Variants in CACNA1H observed in about 807,000 individuals in gnomAD.
The protein encoded by CACNA1H is voltage-dependent T-type calcium channel subunit alpha-1H.
A neutral mutation model predicts 192.5 loss-of-function variants in CACNA1H; 149 were observed. That is an observed-to-expected ratio of 0.77 (90% CI 0.68 to 0.89). CACNA1H has a LOEUF of 0.89. CACNA1H is among the 40% of genes least tolerant of loss of function. The pLI is 0.00. For synonymous variants in CACNA1H, 2,202 were observed against 1,475.2 expected (o/e 1.49, Z -11.29); for missense variants, 4,257 against 3,423.5 (o/e 1.24, Z -6.08).
chr16:1,201,503 G>T (rs1331783198), intron 8 of CACNA1H, among the ~76,000 whole-genome samples, 160 bp from the exon 9 acceptor site: 1 of 152,166 alleles, frequency 6.6e-6, no homozygotes, highest in Non-Finnish European at 1.5e-5. Context: ...AGACGTGGGG[G>T]CTCAGCACTG....
chr16:1,182,139 G>C (rs998873642), intron 2 of CACNA1H, among the ~76,000 whole-genome samples: 1 of 152,208 alleles, frequency 6.6e-6, no homozygotes, highest in Non-Finnish European at 1.5e-5. Flanking sequence ...AGCAGGGTCC[G>C]TGCCTGAGAC....
intron 2 of CACNA1H, among the ~76,000 whole-genome samples, chr16:1,173,555 A>C (rs1182390292): frequency 6.6e-6 from 1 of 152,246 alleles, no homozygotes; most frequent in Admixed American, 6.5e-5. Flanking sequence ...GTGTTAACAT[A>C]ACACGTCCTT....
At chr16:1,197,340 A>T (rs1178572445) in intron 5 of CACNA1H, among the ~76,000 whole-genome samples, 3 of 152,230 alleles carry the variant, frequency 2.0e-5, no homozygotes, top group Non-Finnish European at 4.4e-5. Flanking sequence ...CTGTACGTTC[A>T]GTCTGCACGC....
intron 2 of CACNA1H, among the ~76,000 whole-genome samples, chr16:1,186,179 G>A (rs1467566141): frequency 2.6e-5 from 4 of 151,834 alleles, no homozygotes; most frequent in East Asian, 1.9e-4. Flanking sequence ...GGCCGGAGGC[G>A]GGGTGTGTGC....
At chr16:1,200,881 G>C in intron 8 of CACNA1H, 73 bp downstream of exon 8, 1 of 1,150,224 alleles carries the variant, frequency 8.7e-7, no homozygotes, top group Non-Finnish European at 1.3e-6. Context: ...GGGGTACCTG[G>C]GTGGTCATAG....
intron 2 of CACNA1H, among the ~76,000 whole-genome samples, chr16:1,169,274 G>A (rs1051612864): frequency 8.5e-5 from 13 of 152,138 alleles, no homozygotes; most frequent in Admixed American, 3.3e-4. Context: ...CGGCACCGTC[G>A]CTGGTGGCCG....
At chr16:1,210,748 A>G in intron 20 of CACNA1H, 39 bp from the exon 21 acceptor site, 1 of 1,591,596 alleles carries the variant, frequency 6.3e-7, no homozygotes, top group Non-Finnish European at 8.5e-7. Context: ...CAGACCCCCC[A>G]CGCCTGAGCC....
chr16:1,212,398 CCACGAGGAGCCAGCACAGCCCCCGAGA>C, intron 25 of CACNA1H, 86 bp from the exon 26 acceptor site: 23 of 1,193,626 alleles, frequency 1.9e-5, no homozygotes, highest in Non-Finnish European at 2.7e-5. Context: ...AGTCCTCACT[CCACGAGGAGCCAGCACAGCCCCCGAGA>C]CACGGGGGCT....
intron 8 of CACNA1H, among the ~76,000 whole-genome samples, chr16:1,201,216 G>A (rs1441036957): frequency 5.3e-5 from 8 of 152,092 alleles, no homozygotes; most frequent in Admixed American, 6.6e-5. Flanking sequence ...GCCACCCTGC[G>A]GGGACCTAGT....
rs140638356 is a variant in CACNA1H, at chr16:1,177,389, G to A, written c.300-17583G>A. Among the ~76,000 whole-genome samples, 791 of 152,318 alleles carry A rather than the reference G, an allele frequency of 5.2e-3. 6 individuals are homozygous for A. The highest frequency in any genetic ancestry group is 0.018 in the African/African-American group (732 of 41,570). On this transcript the variant is annotated intron_variant, in intron 2 of 34. Transcript: ENST00000348261. Reference sequence around the variant, plus strand: ...GGGCCGAGGGCCCTCCTCATGGTACGGTGCGGGGACGGCGTCTGACCGAGG... The same window carrying A: ...GGGCCGAGGGCCCTCCTCATGGTACAGTGCGGGGACGGCGTCTGACCGAGG...
rs751089816 is a variant in CACNA1H at position 1,202,262 on chromosome 16, G to A, written c.1812G>A (p.Leu604=). 135 of 1,574,386 alleles carry A rather than the reference G, an allele frequency of 8.6e-5. No homozygotes were observed. The highest frequency in any genetic ancestry group is 1.1e-4 in the Non-Finnish European group (131 of 1,162,266). Residue 604 remains leucine (L), a synonymous_variant, in exon 9 of 35, where the codon CTG becomes CTA. Transcript: ENST00000348261. ...CCACTGCCGCTGCCAGCCTCAGACT[G>A]GCCACAGGGCTGGGCACCATGAACT... The part of the protein sequence containing the change: ...AAATAAASLR[L]ATGLGTMNYP...
rs1334506887 is a variant in CACNA1H, at chr16:1,167,863, G to A, written c.299+13827G>A. Among the ~76,000 whole-genome samples, 2 of 152,180 alleles carry A rather than the reference G, an allele frequency of 1.3e-5. No individual in the cohort carries two copies. The highest frequency in any genetic ancestry group is 2.9e-5 in the Non-Finnish European group (2 of 68,028). On this transcript the variant is annotated intron_variant, in intron 2 of 34. Transcript: ENST00000348261. This position sits in a 1 kb window ranked among gnomAD's most constrained non-coding sequence, Gnocchi z 4.2. ...CGTGGCCTGGCCGTCCGTCCGCGGG[G>A]CCCGGGCTGCCCATGGCAGCAGGTG...
rs755726905 is a variant in CACNA1H at position 1,220,846 on chromosome 16, C to A, written c.6914C>A (p.Pro2305His). Residue 2305 changes from proline (P) to histidine (H), a missense_variant, in exon 35 of 35, where the codon CCC becomes CAC. By Grantham distance (77) the Pro-to-His change is moderately conservative. Coordinates refer to ENST00000348261, the MANE Select transcript of CACNA1H (RefSeq NM_021098.3). ...TCAGGGGCCATAGTGCCCCTGGAAC[C>A]CCCAGAATCAGAGCCTCCCATGCCC... is the stretch of plus-strand genomic sequence containing the variant. Reference protein sequence around the residue: ...SSSGAIVPLEPPESEPPMPVG... With the variant: ...SSSGAIVPLEHPESEPPMPVG... The A allele has an allele frequency of 6.2e-7, 1 of 1,612,812 alleles. No homozygotes were observed. The highest frequency in any genetic ancestry group is 1.1e-5 in the South Asian group (1 of 91,086).
At chr16:1,197,399 CCCTT>C (rs1226681813) in intron 5 of CACNA1H, among the ~76,000 whole-genome samples, 1 of 152,238 alleles carries the variant, frequency 6.6e-6, no homozygotes, top group Non-Finnish European at 1.5e-5. Flanking sequence ...CACACACAGC[CCCTT>C]CCTTCCATGG....
rs954806926 is a variant in CACNA1H at position 1,209,017 on chromosome 16, C to T, written c.3364-15C>T. 6.7e-7 allele frequency: 1 copy of T among 1,482,402 alleles called. No homozygotes were observed. The allele number at this position is 1,482,402 out of a possible 1,614,324, so 91.8% of individuals were successfully genotyped here. On this transcript the variant is annotated splice_polypyrimidine_tract_variant and intron_variant, in intron 16 of 34. Transcript: ENST00000348261. ...TAGTGATGCCACCAGGTCACTGACTCCCGCCACCCCCCAGGCCAGCCTCCG... is the reference window on the plus strand; with the variant it reads ...TAGTGATGCCACCAGGTCACTGACTTCCGCCACCCCCCAGGCCAGCCTCCG...
At chr16:1,206,909 T>TCCC in intron 12 of CACNA1H, 92 bp from the exon 13 acceptor site, 6 of 116,608 alleles carry the variant, frequency 5.1e-5, no homozygotes, top group South Asian at 4.0e-4. Context: ...GTCCTGCCCC[T>TCCC]CCCTCCTCCC....
intron 2 of CACNA1H, among the ~76,000 whole-genome samples, chr16:1,161,941 G>T (rs1027539472): frequency 6.6e-6 from 1 of 152,198 alleles, no homozygotes; most frequent in Admixed American, 6.5e-5. Flanking sequence ...TTTCTAGAAG[G>T]CAGCAGAGCC....
chr16:1,210,939 G>C lies in CACNA1H; in HGVS notation c.4191G>C (p.Val1397=). The C allele has an allele frequency of 6.2e-7, 1 of 1,600,270 alleles. No individual in the cohort carries two copies. The highest frequency in any genetic ancestry group is 1.1e-5 in the South Asian group (1 of 90,990). Residue 1397 remains valine, a synonymous_variant, in exon 21 of 35, where the codon GTG becomes GTC. Coordinates refer to ENST00000348261, the MANE Select transcript of CACNA1H (RefSeq NM_021098.3). ...CCAAGATCCTGGGTGTTCTGCGCGT[G>C]CTGCGTCTGCTGCGGACCCTGCGGC... The part of the protein sequence containing the change: ...GGAKILGVLR[V]LRLLRTLRPL...
intron 27 of CACNA1H, 71 bp downstream of exon 27, chr16:1,214,002 A>T (rs1969771268): frequency 1.1e-5 from 15 of 1,332,144 alleles, no homozygotes; most frequent in Non-Finnish European, 1.5e-5. Flanking sequence ...CACAGTGGGC[A>T]CAACCCTGGA....
Sources: gnomAD v4.1 joint callset for allele counts (sites outside exome capture counted in the v4.1 genomes callset) on GRCh38, gnomAD v4.1.1 for gene constraint, Gnocchi (gnomAD v3.1) non-coding constraint, MANE v1.5 for transcripts, NCBI Gene and HGNC (gene_info 2026-07-23, HGNC 2026-07-21) for gene names.